The following PRKN variants were observed in gnomAD, a reference collection of about 807,000 sequenced individuals.
PRKN encodes the protein parkin RBR E3 ubiquitin protein ligase, also known as E3 ubiquitin-protein ligase parkin.
A neutral mutation model predicts 59.5 loss-of-function variants in PRKN; 56 were observed. That is an observed-to-expected ratio of 0.94 (90% CI 0.76 to 1.18). The LOEUF is 1.18. PRKN is among the 50% of genes most tolerant of loss of function. The pLI is 0.00. For synonymous variants in PRKN, 250 were observed against 222.1 expected (o/e 1.13, Z -1.12); for missense variants, 657 against 596.4 (o/e 1.10, Z -1.06).
intron 9 of PRKN, among the ~76,000 whole-genome samples, chr6:161,522,914 G>A (rs1259630527): frequency 1.3e-5 from 2 of 152,174 alleles, no homozygotes; most frequent in Admixed American, 6.5e-5. Flanking sequence ...GTATACCTAT[G>A]TTTGAGGAAG....
At chr6:162,564,760 C>T (rs182858032) in intron 1 of PRKN, among the ~76,000 whole-genome samples, 282 of 151,916 alleles carry the variant, frequency 1.9e-3, no homozygotes, top group African/African-American at 6.6e-3. Flanking sequence ...GCAAAACTAT[C>T]CTTTAAACAT....
intron 2 of PRKN, among the ~76,000 whole-genome samples, chr6:162,359,068 A>AT (rs1785008681): frequency 2.9e-5 from 3 of 104,858 alleles, no homozygotes; most frequent in African/African-American, 1.3e-4. Flanking sequence ...GCAAAAAAAA[A>AT]AAAAAAAAAA....
chr6:162,322,863 C>A (rs942619454), intron 2 of PRKN, among the ~76,000 whole-genome samples: 2 of 151,844 alleles, frequency 1.3e-5, no homozygotes, highest in African/African-American at 4.8e-5. Flanking sequence ...AAATGTGACA[C>A]ATATATACCA....
intron 6 of PRKN, among the ~76,000 whole-genome samples, chr6:161,846,767 A>G (rs566910579): frequency 7.5e-4 from 114 of 152,250 alleles, no homozygotes; most frequent in African/African-American, 1.6e-3. Context: ...AAATTCCTCA[A>G]TGTAATTGCT....
chr6:162,113,692 G>A (rs533248689), intron 4 of PRKN, among the ~76,000 whole-genome samples: 1 of 152,252 alleles, frequency 6.6e-6, no homozygotes, highest in South Asian at 2.1e-4. Flanking sequence ...GTTACCCCAG[G>A]ACAGCGTAGT....
chr6:162,702,062 A>C (rs1026309383), intron 1 of PRKN, among the ~76,000 whole-genome samples: 29 of 152,146 alleles, frequency 1.9e-4, no homozygotes, highest in African/African-American at 6.8e-4. Context: ...ATCTCCTTTA[A>C]ATTGATATGT....
chr6:161,962,122 T>C (rs996783581), intron 6 of PRKN, among the ~76,000 whole-genome samples: 6 of 152,226 alleles, frequency 3.9e-5, no homozygotes, highest in African/African-American at 2.4e-5. Flanking sequence ...CACAAATAGC[T>C]CTACAGGCTT....
At chr6:161,698,322 C>T (rs1271279054) in intron 7 of PRKN, among the ~76,000 whole-genome samples, 2 of 152,044 alleles carry the variant, frequency 1.3e-5, no homozygotes. Flanking sequence ...ATAACACCAA[C>T]ACATAAAAAT....
rs114728007 is a variant in PRKN at position 161,929,044 on chromosome 6, G to A, written c.734+44258C>T. On this transcript the variant is annotated intron_variant, in intron 6 of 11. Coordinates refer to ENST00000366898, the MANE Select transcript of PRKN (RefSeq NM_004562.3). ...ATATATTCACAGCAGCAGTATTCACGATACCCAGAAGGTGGAGGTACTCCA... is the reference window on the plus strand; with the variant it reads ...ATATATTCACAGCAGCAGTATTCACAATACCCAGAAGGTGGAGGTACTCCA... 1.7e-3 allele frequency among the ~76,000 whole-genome samples: 252 copies of A among 152,148 alleles called. 1 individual carries two copies. Among genetic ancestry groups the A allele is most frequent in the African/African-American group, 5.8e-3 (241 of 41,514 alleles).
intron 9 of PRKN, among the ~76,000 whole-genome samples, chr6:161,387,446 G>A (rs529604655): frequency 2.0e-5 from 3 of 152,320 alleles, no homozygotes; most frequent in East Asian, 1.9e-4. Flanking sequence ...CTGCACAAAT[G>A]TGAATCAATT....
chr6:161,442,872 T>G lies in PRKN; in HGVS notation c.1084-55995A>C, dbSNP rs1342352688. On this transcript the variant is annotated intron_variant, in intron 9 of 11. Transcript: ENST00000366898. This position sits in a 1 kb window ranked among gnomAD's most constrained non-coding sequence, Gnocchi z 4.6. ...TTTATATCACTATCTGTCAGCAGTT[T>G]AACATAAACCCTCTCACTTACTGCC... is the stretch of plus-strand genomic sequence containing the variant. 6.6e-6 allele frequency among the ~76,000 whole-genome samples: 1 copy of G among 152,188 alleles called. No individual in the cohort carries two copies. Among genetic ancestry groups the G allele is most frequent in the Non-Finnish European group, 1.5e-5 (1 of 68,044 alleles).
rs2114953795 is a variant in PRKN, at chr6:161,390,598, C to T, written c.1084-3721G>A. Among the ~76,000 whole-genome samples the T allele has an allele frequency of 1.3e-5, 2 of 152,292 alleles. No homozygotes were observed. The highest frequency in any genetic ancestry group is 4.8e-5 in the African/African-American group (2 of 41,544). ...CCGCCTCCCGGGTTCAAGCAATTCT[C>T]CCGTCTCAGCCTCCTGAGTAGCTGG... On this transcript the variant is annotated intron_variant, in intron 9 of 11. Transcript: ENST00000366898. This position sits in a 1 kb window ranked among gnomAD's most constrained non-coding sequence, Gnocchi z 7.0.
chr6:162,228,645 T>C (rs1778290078), intron 3 of PRKN, among the ~76,000 whole-genome samples: 2 of 152,186 alleles, frequency 1.3e-5, no homozygotes, highest in African/African-American at 4.8e-5. Context: ...CTGATTGAAG[T>C]TATAAATATC....
chr6:162,117,106 A>T (rs1780706621), intron 4 of PRKN, among the ~76,000 whole-genome samples: 1 of 152,242 alleles, frequency 6.6e-6, no homozygotes, highest in Non-Finnish European at 1.5e-5. Flanking sequence ...ATTCACGATG[A>T]CATAAAAACC....
chr6:162,095,060 A>G (rs1377641454), intron 4 of PRKN, among the ~76,000 whole-genome samples: 1 of 152,198 alleles, frequency 6.6e-6, no homozygotes, highest in Non-Finnish European at 1.5e-5. Context: ...GAAGAAAAAC[A>G]AAGAAGGCTG....
intron 2 of PRKN, among the ~76,000 whole-genome samples, chr6:162,414,032 A>C (rs1231854519): frequency 6.6e-6 from 1 of 152,068 alleles, no homozygotes; most frequent in East Asian, 1.9e-4. Context: ...AAATACAAAA[A>C]ATCAGCCAGG....
At chr6:161,900,534 ATATAT>A (rs1295797760) in intron 6 of PRKN, among the ~76,000 whole-genome samples, 4 of 114,940 alleles carry the variant, frequency 3.5e-5, no homozygotes, top group South Asian at 2.6e-4. Context: ...TATCTTTTAT[ATATAT>A]TATAATATAC....
intron 2 of PRKN, among the ~76,000 whole-genome samples, chr6:162,290,311 A>G (rs146149779): frequency 6.6e-6 from 1 of 152,204 alleles, no homozygotes; most frequent in Admixed American, 6.5e-5. Context: ...ACTTCATTGA[A>G]TAAGTTTCTT....
chr6:162,510,207 A>G (rs1386696694), intron 1 of PRKN, among the ~76,000 whole-genome samples: 1 of 152,232 alleles, frequency 6.6e-6, no homozygotes, highest in Non-Finnish European at 1.5e-5. Flanking sequence ...TACTTAATCC[A>G]AAACCAGAGT....
Sources: gnomAD v4.1 joint callset for allele counts (sites outside exome capture counted in the v4.1 genomes callset) on GRCh38, gnomAD v4.1.1 for gene constraint, Gnocchi (gnomAD v3.1) non-coding constraint, MANE v1.5 for transcripts, NCBI Gene and HGNC (gene_info 2026-07-23, HGNC 2026-07-21) for gene names.